Variants in SGCD observed in about 807,000 individuals in gnomAD.
The protein encoded by SGCD is delta-sarcoglycan.
SGCD carries 18 observed loss-of-function variants against 36.6 expected under a neutral mutation model. That is an observed-to-expected ratio of 0.49 (90% confidence interval 0.34 to 0.73). The LOEUF is 0.73. Ranked by LOEUF, SGCD falls within the 30% of genes least tolerant of loss-of-function variation. The probability of loss-of-function intolerance (pLI) is 0.01; values close to 1 mark genes in which losing one functional copy is unlikely to be tolerated. For missense variants in SGCD, 387 were observed against 346.7 expected (o/e 1.12, Z -0.92); for synonymous variants, 133 against 130.6 (o/e 1.02, Z -0.12).
intron 3 of SGCD, among the ~76,000 whole-genome samples, chr5:156,212,911 A>G (rs1367178992): frequency 6.6e-6 from 1 of 152,080 alleles, no homozygotes; most frequent in Non-Finnish European, 1.5e-5. Flanking sequence ...AATCTGTCAA[A>G]GGTAAATTAA....
the SGCD span, among the ~76,000 whole-genome samples, chr5:155,816,424 T>G: frequency 1.3e-5 from 2 of 152,188 alleles, no homozygotes; most frequent in African/African-American, 4.8e-5. Flanking sequence ...AAGTTACTAT[T>G]TATTAAGTGG....
chr5:155,773,956 A>G, the SGCD span, among the ~76,000 whole-genome samples: 1 of 152,104 alleles, frequency 6.6e-6, no homozygotes, highest in Admixed American at 6.6e-5. Context: ...TCCTCACCCC[A>G]GAGTCCACTG....
At chr5:156,202,374 T>TGA (rs1223929610) in intron 3 of SGCD, among the ~76,000 whole-genome samples, 13 of 152,204 alleles carry the variant, frequency 8.5e-5, no homozygotes, top group Non-Finnish European at 1.9e-4. Context: ...GCCATGATTC[T>TGA]GATGTTGCTT....
chr5:156,713,655 T>G (rs1483573521), intron 7 of SGCD, among the ~76,000 whole-genome samples: 1 of 152,248 alleles, frequency 6.6e-6, no homozygotes, highest in Non-Finnish European at 1.5e-5. Context: ...TACTTCATTT[T>G]ACTAATGTGG....
At chr5:156,594,712 T>A (rs1760854416) in intron 5 of SGCD, among the ~76,000 whole-genome samples, 2 of 152,296 alleles carry the variant, frequency 1.3e-5, no homozygotes, top group Admixed American at 1.3e-4. Context: ...AAGAATATAT[T>A]ACTAAAAGTA....
intron 1 of SGCD, among the ~76,000 whole-genome samples, chr5:155,925,672 G>A (rs889384624): frequency 1.3e-5 from 2 of 152,286 alleles, no homozygotes; most frequent in East Asian, 1.9e-4. Flanking sequence ...CTGTAGTGCA[G>A]TGGTATAATC....
At chr5:156,708,618 C>A (rs1754844505) in intron 7 of SGCD, among the ~76,000 whole-genome samples, 2 of 151,840 alleles carry the variant, frequency 1.3e-5, no homozygotes, top group Non-Finnish European at 1.5e-5. Context: ...GGAATAGATG[C>A]TAAATTTGTT....
chr5:156,068,032 C>G (rs1479540382), intron 1 of SGCD, among the ~76,000 whole-genome samples: 1 of 151,696 alleles, frequency 6.6e-6, no homozygotes, highest in Non-Finnish European at 1.5e-5. Flanking sequence ...AGTAACTGAC[C>G]AACAGTCTTC....
chr5:156,475,516 G>T (rs369805763), intron 3 of SGCD, among the ~76,000 whole-genome samples: 28 of 152,152 alleles, frequency 1.8e-4, no homozygotes, highest in African/African-American at 6.0e-4. Context: ...TTTGCTGACT[G>T]GTTCTATCAT....
At chr5:156,452,227 C>T (rs75780259) in intron 3 of SGCD, among the ~76,000 whole-genome samples, 2 of 152,256 alleles carry the variant, frequency 1.3e-5, no homozygotes, top group African/African-American at 2.4e-5. Flanking sequence ...ATTCTTACCA[C>T]GATTTTTCAT....
At chr5:156,015,020 C>T (rs1425683628) in intron 1 of SGCD, among the ~76,000 whole-genome samples, 1 of 152,162 alleles carries the variant, frequency 6.6e-6, no homozygotes, top group Admixed American at 6.5e-5. Flanking sequence ...TAGTCAGGGG[C>T]TTGGCCATTT....
chr5:156,227,666 T>A (rs1005029448), intron 3 of SGCD, among the ~76,000 whole-genome samples: 11 of 152,104 alleles, frequency 7.2e-5, no homozygotes, highest in African/African-American at 2.4e-4. Flanking sequence ...TTAATGGGAA[T>A]TGCATTGAAT....
chr5:156,184,135 G>A (rs1763675958), intron 3 of SGCD, among the ~76,000 whole-genome samples: 2 of 152,284 alleles, frequency 1.3e-5, no homozygotes, highest in Admixed American at 1.3e-4. Flanking sequence ...TTATAATAAA[G>A]TGTTGAATAT....
chr5:156,644,355 C>T (rs572368904), intron 6 of SGCD, among the ~76,000 whole-genome samples: 59 of 152,188 alleles, frequency 3.9e-4, no homozygotes, highest in Non-Finnish European at 6.3e-4. Flanking sequence ...GGTAATTAGT[C>T]ATTTTTCATA....
intron 3 of SGCD, among the ~76,000 whole-genome samples, chr5:156,126,188 A>G (rs1027653104): frequency 6.6e-6 from 1 of 151,978 alleles, no homozygotes; most frequent in African/African-American, 2.4e-5. Context: ...GCCTTTCCAC[A>G]TGTTCTTGAT....
chr5:156,715,790 C>T (rs974241233), intron 7 of SGCD, among the ~76,000 whole-genome samples: 7 of 152,156 alleles, frequency 4.6e-5, no homozygotes, highest in Non-Finnish European at 5.9e-5. Context: ...AGATCATCCT[C>T]ATATTGATGC....
At chr5:156,732,428 C>T (rs986171333) in intron 7 of SGCD, among the ~76,000 whole-genome samples, 5 of 152,150 alleles carry the variant, frequency 3.3e-5, no homozygotes, top group African/African-American at 1.2e-4. Flanking sequence ...TTGAACCAGC[C>T]TTGCATCCTG....
the SGCD span, among the ~76,000 whole-genome samples, chr5:155,761,596 C>T: frequency 2.1e-5 from 3 of 142,956 alleles, no homozygotes; most frequent in Non-Finnish European, 4.6e-5. Context: ...TCCATCATCT[C>T]CATCACCCTC....
intron 3 of SGCD, among the ~76,000 whole-genome samples, chr5:156,173,435 C>A (rs1283505026): frequency 1.3e-5 from 2 of 151,166 alleles, no homozygotes; most frequent in Non-Finnish European, 3.0e-5. Context: ...TTGTTCTTAA[C>A]AAAAATACAT....
Sources: gnomAD v4.1 joint callset for allele counts (sites outside exome capture counted in the v4.1 genomes callset) on GRCh38, gnomAD v4.1.1 for gene constraint, MANE v1.5 for transcripts, NCBI Gene and HGNC (gene_info 2026-07-23, HGNC 2026-07-21) for gene names.